SEC16B: variants seen among roughly 807,000 people sequenced by gnomAD.
SEC16B encodes SEC16 homolog B, endoplasmic reticulum export factor.
Under a neutral mutation model 141.8 loss-of-function variants are expected in SEC16B, and 115 were observed. That is an observed-to-expected ratio of 0.81 (90% confidence interval 0.70 to 0.95). SEC16B has a LOEUF of 0.95. Among genes scored for constraint, SEC16B ranks in the 40% least tolerant of loss-of-function variants. SEC16B has a pLI of 0.00. For missense variants in SEC16B, 1,291 were observed against 1,312.3 expected (o/e 0.98, Z 0.25); for synonymous variants, 493 against 492.5 (o/e 1.00, Z -0.01).
rs747082550 is a variant in SEC16B at position 177,964,279 on chromosome 1, T to C, written c.534A>G (p.Gln178=). ...CTTTACAAGGGTTCCTACTGTTAGATCTGCAGCAAAATGACAGGAGCAGTG... is the reference window on the plus strand; with the variant it reads ...CTTTACAAGGGTTCCTACTGTTAGACCTGCAGCAAAATGACAGGAGCAGTG... ...PFGTNSETHF[Q]SNSRNPCKDS... The change falls in exon 5 of 26, where the codon CAA becomes CAG. Residue 178 remains glutamine, a splice_region_variant and synonymous_variant. Coordinates refer to ENST00000308284, the MANE Select transcript of SEC16B (RefSeq NM_033127.4). The C allele has an allele frequency of 6.2e-7, 1 of 1,610,162 alleles. No homozygotes were observed. Among genetic ancestry groups the C allele is most frequent in the Non-Finnish European group, 8.5e-7 (1 of 1,177,310 alleles).
chr1:177,948,596 G>T (rs550823401), intron 12 of SEC16B: 1 of 1,303,966 alleles, frequency 7.7e-7, no homozygotes, highest in Non-Finnish European at 1.0e-6. Context: ...ACAAAGCCCC[G>T]CATCAATGGT....
rs528594567 is a variant in SEC16B, at chr1:177,975,915, G to A, written c.-58-7876C>T. Among the ~76,000 whole-genome samples, 225 of 152,278 alleles carry A rather than the reference G, an allele frequency of 1.5e-3. 2 individuals are homozygous for A. The highest frequency in any genetic ancestry group is 4.9e-3 in the African/African-American group (202 of 41,564). Reference sequence around the variant, plus strand: ...CTGGGTGGCAGACAAGATGCAGAGCGTCCTGTGCTGCTCAGCTGTTCTAGT... The same window carrying A: ...CTGGGTGGCAGACAAGATGCAGAGCATCCTGTGCTGCTCAGCTGTTCTAGT... On this transcript the variant is annotated intron_variant and NMD_transcript_variant, in intron 1 of 24. Transcript: ENST00000528461.
intron 25 of SEC16B, 99 bp downstream of exon 25, chr1:177,930,446 C>T: frequency 1.3e-6 from 1 of 766,296 alleles, no homozygotes; most frequent in Non-Finnish European, 2.2e-6. Context: ...TGCTCAAGAA[C>T]TCACATATCA....
chr1:177,934,839 G>A (rs545649017), intron 20 of SEC16B, among the ~76,000 whole-genome samples: 1 of 152,098 alleles, frequency 6.6e-6, no homozygotes, highest in South Asian at 2.1e-4. Context: ...AGGGAGGGAG[G>A]GGAAAGGACG....
chr1:177,953,063 C>T (rs889978832), intron 11 of SEC16B, among the ~76,000 whole-genome samples: 2 of 145,354 alleles, frequency 1.4e-5, no homozygotes, highest in African/African-American at 5.1e-5. Context: ...TGGAGTGCAA[C>T]GATGTGATCT....
chr1:177,963,370 C>G (rs756440296), intron 5 of SEC16B, among the ~76,000 whole-genome samples: 1 of 151,142 alleles, frequency 6.6e-6, no homozygotes, highest in Non-Finnish European at 1.5e-5. Flanking sequence ...TTTGGGAGGC[C>G]GAGGTGGGTG....
Position 177,960,850 on chromosome 1 carries a change from C to A in SEC16B, c.877G>T (p.Val293Leu). ...CCGTCAGTGGGAGAGCTGGGACCTA[C>A]ATGCACCAGCTGACCTCCTGGCCCG... is the stretch of plus-strand genomic sequence containing the variant. ...SFGPGGQLVHVGPSSPTDGQA... is the reference protein window; with the variant it reads ...SFGPGGQLVHLGPSSPTDGQA... The change falls in exon 7 of 26, where the codon GTA (valine) becomes TTA (leucine). Residue 293 changes from valine to leucine, a missense_variant. Physicochemically the swap from Val to Leu is conservative, Grantham distance 32 (BLOSUM62 1). Around this residue, in one of 3 missense-constraint regions of SEC16B, gnomAD observed 681 missense variants for 675.5 expected, o/e 1.01. Coordinates refer to ENST00000308284, the MANE Select transcript of SEC16B (RefSeq NM_033127.4). The A allele has an allele frequency of 1.2e-6, 2 of 1,613,728 alleles. No individual in the cohort carries two copies. The highest frequency in any genetic ancestry group is 3.3e-5 in the Admixed American group (2 of 60,014).
At chr1:177,957,609 C>T (rs1276508059) in intron 10 of SEC16B, among the ~76,000 whole-genome samples, 1 of 152,066 alleles carries the variant, frequency 6.6e-6, no homozygotes, top group Admixed American at 6.5e-5. Flanking sequence ...ATAATCACAT[C>T]CTGATAAATG....
intron 25 of SEC16B, 61 bp downstream of exon 25, chr1:177,930,484 A>G: frequency 9.1e-7 from 1 of 1,102,398 alleles, no homozygotes; most frequent in Non-Finnish European, 1.4e-6. Flanking sequence ...TGATAAACCT[A>G]GGTCTCCTTA....
At position 177,961,618 on chromosome 1, in the gene SEC16B, A is replaced by G. The variant is rs1384210972; in HGVS notation, c.759T>C (p.Ala253=). The G allele has an allele frequency of 1.9e-6, 3 of 1,613,258 alleles. No homozygotes were observed. The highest frequency in any genetic ancestry group is 2.5e-6 in the Non-Finnish European group (3 of 1,179,410). Residue 253 remains alanine, a synonymous_variant, in exon 6 of 26, where the codon GCT becomes GCC. Coordinates refer to ENST00000308284, the MANE Select transcript of SEC16B (RefSeq NM_033127.4). ...CCTGAACTGGACTCCAAGCTGCTGA[A>G]GCTGGGGGATCATCCCGCTCCGGGG... ...RDAPERDDPP[A]SAAWSPVQAD... is the part of the protein sequence containing the mutation.
chr1:177,982,750 T>G (rs1379163138), intron 1 of SEC16B, among the ~76,000 whole-genome samples: 1 of 152,190 alleles, frequency 6.6e-6, no homozygotes, highest in East Asian at 1.9e-4. Flanking sequence ...CTCAGTTAAA[T>G]TTATTTCAAA....
At chr1:177,972,112 T>C (rs1451977161), upstream of SEC16B, among the ~76,000 whole-genome samples, 1 of 152,226 alleles carries the variant, frequency 6.6e-6, no homozygotes, top group Non-Finnish European at 1.5e-5. Context: ...TTATTCTAAA[T>C]GCTTATTTTG....
intron 15 of SEC16B, among the ~76,000 whole-genome samples, chr1:177,943,714 C>T (rs1486862221): frequency 6.6e-6 from 1 of 152,228 alleles, no homozygotes; most frequent in Non-Finnish European, 1.5e-5. Context: ...GCTGTGGGAG[C>T]CACACTGTGC....
rs1652791519 is a variant in SEC16B, at chr1:177,958,340, G to C, written c.1157C>G (p.Ala386Gly). 1.2e-6 allele frequency: 2 copies of C among 1,601,744 alleles called. No homozygotes were observed. Among genetic ancestry groups the C allele is most frequent in the Non-Finnish European group, 1.7e-6 (2 of 1,174,110 alleles). ...QNGSMVGSDI[A>G]ELLMQDCKKL... is the part of the protein sequence containing the mutation. ...CTTGCAGTCTTGCATTAGCAGCTCA[G>C]CGATGTCAGACCCCACCATGGACTG... Residue 386 changes from alanine to glycine, a missense_variant, in exon 10 of 26, where the codon GCT becomes GGT. Ala to Gly is a moderately conservative substitution (Grantham distance 60). Transcript: ENST00000308284.
chr1:177,940,722 A>G lies in SEC16B; in HGVS notation c.2023-8T>C, dbSNP rs901274971. The G allele has an allele frequency of 3.1e-6, 5 of 1,609,022 alleles. No homozygotes were observed. Among genetic ancestry groups the G allele is most frequent in the Admixed American group, 3.3e-5 (2 of 59,932 alleles). The stretch of plus-strand genomic sequence containing the variant: ...CTTCAGTTTCTCTGCTAGCTGTGCC[A>G]GGTTTCCAGATGGGTTAGGGGCAGA... On this transcript the variant is annotated splice_region_variant and splice_polypyrimidine_tract_variant and intron_variant, in intron 16 of 25. Transcript: ENST00000308284.
chr1:177,958,917 A>C lies in SEC16B; in HGVS notation c.1057T>G (p.Cys353Gly). 6.2e-7 allele frequency: 1 copy of C among 1,613,754 alleles called. No individual in the cohort carries two copies. Among genetic ancestry groups the C allele is most frequent in the Non-Finnish European group, 8.5e-7 (1 of 1,179,778 alleles). Residue 353 changes from cysteine to glycine, a missense_variant, in exon 9 of 26, where the codon TGC becomes GGC. By Grantham distance (159) the Cys-to-Gly change is radical (BLOSUM62 -3). Transcript: ENST00000308284. The stretch of plus-strand genomic sequence containing the variant: ...CTGCTCCCCAGTGTCTCAGATTTGC[A>C]GCTCTGAGCTGCTTTCTGCTGGCAA... ...TFCQQKAAQS[C>G]KSETLGSRDS...
intron 2 of SEC16B, 125 bp from the exon 3 acceptor site, chr1:177,966,130 T>C: frequency 1.9e-6 from 1 of 540,002 alleles, no homozygotes. Context: ...AGAATCTGCT[T>C]GAAAGCCACA....
chr1:177,968,034 A>G lies in SEC16B; in HGVS notation c.-53T>C, dbSNP rs2102006166. On this transcript the variant is annotated 5_prime_UTR_variant, in exon 2 of 26. Transcript: ENST00000308284. ...TTTGAGTAAGTTGTGCAGTTATTTT[A>G]TCTTCCTGCAGACAAAAGAAAAAGG... The G allele has an allele frequency of 2.7e-6, 4 of 1,499,068 alleles. No individual in the cohort carries two copies. Among genetic ancestry groups the G allele is most frequent in the South Asian group, 1.3e-5 (1 of 75,192 alleles). 92.9% of individuals were successfully genotyped at this position (1,499,068 alleles called of 1,614,324 possible).
At chr1:177,970,624 T>C (rs1455501360), upstream of SEC16B, among the ~76,000 whole-genome samples, 2 of 152,198 alleles carry the variant, frequency 1.3e-5, no homozygotes, top group Non-Finnish European at 2.9e-5. Flanking sequence ...GGTTATGTAA[T>C]AAATTCTGTC....
Sources: gnomAD v4.1 joint callset for allele counts (sites outside exome capture counted in the v4.1 genomes callset) on GRCh38, gnomAD v4.1.1 for gene constraint, gnomAD v4.1.1 regional missense constraint, MANE v1.5 for transcripts, NCBI Gene and HGNC (gene_info 2026-07-23, HGNC 2026-07-21) for gene names.